Variants in CEMIP2 observed in about 807,000 individuals in gnomAD.
The protein encoded by CEMIP2 is cell migration inducing hyaluronidase 2.
CEMIP2 carries 79 observed loss-of-function variants against 146.9 expected under a neutral mutation model. The ratio of observed to expected loss-of-function variants is 0.54; its 90% confidence interval spans 0.45 to 0.65. The LOEUF is 0.65. Among genes scored for constraint, CEMIP2 ranks in the 30% least tolerant of loss-of-function variants. The probability of loss-of-function intolerance (pLI) is 0.00; values close to 1 mark genes in which losing one functional copy is unlikely to be tolerated. For missense variants in CEMIP2, 1,596 were observed against 1,696.2 expected (o/e 0.94, Z 1.04); for synonymous variants, 601 against 606.3 (o/e 0.99, Z 0.13).
At chr9:71,731,002 G>A (rs2274695) in intron 7 of CEMIP2, 88 bp from the exon 8 acceptor site, 89,119 of 1,031,092 alleles carry the variant, frequency 0.086, 4,707 homozygotes, top group South Asian at 0.19. Context: ...ACATCCAAAG[G>A]AGAATACTTA....
At chr9:71,733,365 T>C (rs1356839806) in intron 6 of CEMIP2, among the ~76,000 whole-genome samples, 3 of 152,208 alleles carry the variant, frequency 2.0e-5, no homozygotes, top group South Asian at 4.1e-4. Flanking sequence ...TGAAGACTCA[T>C]CATGCAGACT....
chr9:71,700,732 G>C lies in CEMIP2; in HGVS notation c.3287C>G (p.Ser1096Cys). The C allele has an allele frequency of 6.2e-7, 1 of 1,614,002 alleles. No homozygotes were observed. The highest frequency in any genetic ancestry group is 2.2e-5 in the East Asian group (1 of 44,868). ...GYLQRQNGSLSKIEEYEPVHS... is the reference protein window; with the variant it reads ...GYLQRQNGSLCKIEEYEPVHS... ...CACAGGCTCATATTCTTCGATTTTG[G>C]ATAATGAGCCATTCTGCCGCTGCAA... Residue 1096 changes from serine (S) to cysteine (C), a missense_variant, in exon 19 of 24, where the codon TCC becomes TGC. Physicochemically the swap from Ser to Cys is moderately radical, Grantham distance 112 (BLOSUM62 -1). Coordinates refer to ENST00000377044, the MANE Select transcript of CEMIP2 (RefSeq NM_013390.3).
chr9:71,743,784 C>G (rs62549285), intron 4 of CEMIP2, among the ~76,000 whole-genome samples: 10,110 of 152,226 alleles, frequency 0.066, 485 homozygotes, highest in South Asian at 0.19. Context: ...TGAATAAAAG[C>G]CATTTCTAAA....
rs1823252879 is a variant in CEMIP2, at chr9:71,722,212, G to A, written c.2267+215C>T. Among the ~76,000 whole-genome samples, 4 of 152,038 alleles carry A rather than the reference G, an allele frequency of 2.6e-5. No individual in the cohort carries two copies. In the South Asian group the frequency reaches 6.2e-4, roughly 24 times the overall value. On this transcript the variant is annotated intron_variant, in intron 12 of 23. Coordinates refer to ENST00000377044, the MANE Select transcript of CEMIP2 (RefSeq NM_013390.3). ...GCATCTATTTATAGCAATGAAAAAG[G>A]AGAAAAACATCAACCTCTTTAGTAT...
At chr9:71,754,023 T>C (rs1355951603) in intron 1 of CEMIP2, among the ~76,000 whole-genome samples, 1 of 151,996 alleles carries the variant, frequency 6.6e-6, no homozygotes, top group Non-Finnish European at 1.5e-5. Flanking sequence ...ATGAGATCAC[T>C]TGGACACAGG....
At chr9:71,728,295 A>ATATATATG (rs1564012673) in intron 10 of CEMIP2, among the ~76,000 whole-genome samples, 3 of 43,232 alleles carry the variant, frequency 6.9e-5, no homozygotes, top group African/African-American at 2.6e-4. Context: ...ATATATATAT[A>ATATATATG]TATATACATA....
intron 1 of CEMIP2, among the ~76,000 whole-genome samples, chr9:71,750,871 C>T (rs1026747795): frequency 6.6e-6 from 1 of 152,024 alleles, no homozygotes; most frequent in Admixed American, 6.6e-5. Context: ...CTGAGCCTCC[C>T]GGGTAGCCAG....
Position 71,712,201 on chromosome 9 carries a change from G to C in CEMIP2, c.2651C>G (p.Thr884Ser), listed in dbSNP as rs768228674. The C allele has an allele frequency of 2.2e-5, 36 of 1,614,168 alleles. No individual in the cohort carries two copies. The highest frequency in any genetic ancestry group is 2.8e-5 in the Non-Finnish European group (33 of 1,180,024). The part of the protein sequence containing the change: ...YDGPIHLTRS[T>S]FKKYVPTPDR... ...TGGAGTTGGCACATATTTTTTGAAA[G>C]TGCTCCTTGTGAGATGAATGGGCCC... The change falls in exon 16 of 24, where the codon ACT becomes AGT. Residue 884 changes from threonine to serine, a missense_variant. Thr to Ser is a moderately conservative substitution (Grantham distance 58). Transcript: ENST00000377044.
chr9:71,731,453 C>T, intron 7 of CEMIP2, among the ~76,000 whole-genome samples: 1 of 152,108 alleles, frequency 6.6e-6, no homozygotes, highest in East Asian at 1.9e-4. Context: ...ATCCTTGTAA[C>T]AGGCGGGGTA....
chr9:71,709,153 C>T (rs1435669091), intron 17 of CEMIP2, 106 bp downstream of exon 17: 1 of 1,028,860 alleles, frequency 9.7e-7, no homozygotes, highest in Non-Finnish European at 1.5e-6. Flanking sequence ...ATAGATCATA[C>T]TTTGGAAAAT....
Position 71,750,043 on chromosome 9 carries a change from C to A in CEMIP2, c.331G>T (p.Glu111Ter). Residue 111 changes from glutamate (E) to a stop codon, truncating the protein, a stop_gained and splice_region_variant, in exon 2 of 24, where the codon GAA becomes TAA. Transcript: ENST00000377044. LOFTEE classifies it high-confidence loss of function. ...LGISSKYAPD[E>*]NCPDQNPRLR... Reference sequence around the variant, plus strand: ...TCTATGTGCATATACACACACTTACCATCTGGAGCATATTTTGAGGATATT... The same window carrying A: ...TCTATGTGCATATACACACACTTACAATCTGGAGCATATTTTGAGGATATT... 6.3e-7 allele frequency: 1 copy of A among 1,593,172 alleles called. No homozygotes were observed. Among genetic ancestry groups the A allele is most frequent in the South Asian group, 1.2e-5 (1 of 86,334 alleles).
chr9:71,753,791 T>G (rs1824329413), intron 1 of CEMIP2, among the ~76,000 whole-genome samples: 2 of 152,194 alleles, frequency 1.3e-5, no homozygotes, highest in South Asian at 4.1e-4. Flanking sequence ...TAAAAATATA[T>G]TTTATTGATA....
At position 71,722,494 on chromosome 9, in the gene CEMIP2, CT is replaced by C; in HGVS notation, c.2199del (p.Gly734ValfsTer40). The C allele has an allele frequency of 6.2e-7, 1 of 1,613,122 alleles. No individual in the cohort carries two copies. The highest frequency in any genetic ancestry group is 1.3e-5 in the African/African-American group (1 of 74,952). Reference protein sequence around the residue: ...SNFKAGLFIDKGVKTTNSSAA... With the variant: ...SNFKAGLFIDXGVKTTNSSAA... The stretch of plus-strand genomic sequence containing the variant: ...GCACTAGAGTTGGTTGTTTTGACAC[CT>C]TTGTCAATAAATAAGCCAGCCTGAA... On this transcript the variant is annotated frameshift_variant, in exon 12 of 24. Coordinates refer to ENST00000377044, the MANE Select transcript of CEMIP2 (RefSeq NM_013390.3). LOFTEE classifies it high-confidence loss of function.
intron 22 of CEMIP2, chr9:71,687,034 G>A (rs2131845357): frequency 6.6e-6 from 1 of 152,276 alleles, no homozygotes; most frequent in Admixed American, 6.5e-5. Context: ...GGACCTATCT[G>A]TGGATTCTCC....
intron 14 of CEMIP2, 55 bp downstream of exon 14, chr9:71,716,462 T>C (rs182690320): frequency 2.9e-6 from 4 of 1,400,092 alleles, no homozygotes; most frequent in Admixed American, 2.2e-5. Flanking sequence ...GAAAAAAAAA[T>C]CAAGGGTTAT....
In CEMIP2 at chr9:71,690,125, A is replaced by G. The variant is rs761656984; in HGVS notation, c.3818T>C (p.Ile1273Thr). The change falls in exon 22 of 24, where the codon ATT becomes ACT. Residue 1273 changes from isoleucine (I) to threonine (T), a missense_variant. Physicochemically the swap from Ile to Thr is moderately conservative, Grantham distance 89. Coordinates refer to ENST00000377044, the MANE Select transcript of CEMIP2 (RefSeq NM_013390.3). The part of the protein sequence containing the change: ...TVFPLADVSR[I>T]EEYLKTGIPP... ...GATGCCTGTTTTTAAATACTCTTCA[A>G]TGCGACTGACATCAGCAAGAGGAAA... is the stretch of plus-strand genomic sequence containing the variant. 2 of 1,614,152 alleles carry G rather than the reference A, an allele frequency of 1.2e-6. No individual in the cohort carries two copies. The highest frequency in any genetic ancestry group is 1.7e-6 in the Non-Finnish European group (2 of 1,180,000).
chr9:71,719,836 C>T (rs370345552), intron 12 of CEMIP2, among the ~76,000 whole-genome samples: 1 of 15,562 alleles, frequency 6.4e-5, no homozygotes, highest in Admixed American at 1.1e-3. Context: ...CTGTTCTAAA[C>T]GAAAGCAAAA....
At chr9:71,725,543 C>T (rs1381958228) in intron 11 of CEMIP2, 38 bp downstream of exon 11, 1 of 1,604,242 alleles carries the variant, frequency 6.2e-7, no homozygotes, top group Admixed American at 1.7e-5. Context: ...TTTACACTGT[C>T]TAGCATATGT....
chr9:71,730,702 T>C lies in CEMIP2; in HGVS notation c.1773+3A>G, dbSNP rs763793585. On this transcript the variant is annotated splice_donor_region_variant and intron_variant, in intron 8 of 23. Coordinates refer to ENST00000377044, the MANE Select transcript of CEMIP2 (RefSeq NM_013390.3). ...TGGGTTGACCTAATGCGAGGCTACT[T>C]ACTAGCAAGCCATTTGTCCCATGCA... The C allele has an allele frequency of 8.1e-6, 13 of 1,614,026 alleles. 1 individual carries two copies. The highest frequency in any genetic ancestry group is 1.0e-5 in the Non-Finnish European group (12 of 1,180,004).
Sources: allele counts gnomAD v4.1 joint callset (sites outside exome capture counted in the v4.1 genomes callset), GRCh38; gene constraint gnomAD v4.1.1; transcripts MANE v1.5; gene names NCBI Gene and HGNC (gene_info 2026-07-23, HGNC 2026-07-21).